Variants in PATL2 observed in about 807,000 individuals in gnomAD.
PATL2 encodes the protein PAT1 homolog 2.
PATL2 carries 73 observed loss-of-function variants against 77.0 expected under a neutral mutation model. That is an observed-to-expected ratio of 0.95 (90% CI 0.78 to 1.15). The LOEUF (loss-of-function observed/expected upper bound fraction) is 1.15, where lower values mean the gene tolerates loss of function less well. Ranked by LOEUF, PATL2 falls within the 50% of genes most tolerant of loss-of-function variation. The pLI is 0.00. For synonymous variants in PATL2, 265 were observed against 257.1 expected (o/e 1.03, Z -0.29); for missense variants, 618 against 655.4 (o/e 0.94, Z 0.62).
Position 44,668,283 on chromosome 15 carries a change from C to T in PATL2, c.1365+59G>A, listed in dbSNP as rs2085483308. 15 of 1,514,756 alleles carry T rather than the reference C, an allele frequency of 9.9e-6. No homozygotes were observed. The South Asian group carries it at 1.3e-4, about 13-fold the overall frequency. 93.8% of individuals were successfully genotyped at this position (1,514,756 alleles called of 1,614,324 possible). The stretch of plus-strand genomic sequence containing the variant: ...GATGAGACTGTCCCCCAACTTACCC[C>T]TTATCAGTGATACCAACCTGAAAGC... On this transcript the variant is annotated intron_variant, in intron 15 of 17. Coordinates refer to ENST00000682850, the MANE Select transcript of PATL2 (RefSeq NM_001387263.1).
In PATL2 at chr15:44,666,604, G is replaced by A; in HGVS notation, c.1464-63C>T. 9 of 1,426,086 alleles carry A rather than the reference G, an allele frequency of 6.3e-6. No homozygotes were observed. The South Asian group carries it at 8.9e-5, about 14-fold the overall frequency. 88.3% of individuals were successfully genotyped at this position (1,426,086 alleles called of 1,614,324 possible). A position where few individuals can be genotyped will look rare whatever the true frequency, so the allele number is the denominator to read the frequency against. On this transcript the variant is annotated intron_variant, in intron 16 of 17. Transcript: ENST00000682850. ...GCTTAAGAAACAGACTCAGGGCCAA[G>A]GTTTCTTATTATCTTTCCGTTACTA...
intron 3 of PATL2, among the ~76,000 whole-genome samples, chr15:44,677,498 G>C (rs2086011474): frequency 6.6e-6 from 1 of 152,068 alleles, no homozygotes; most frequent in African/African-American, 2.4e-5. Context: ...AGAAGCTCAG[G>C]AGTAAAAACA....
intron 3 of PATL2, chr15:44,676,988 T>C: frequency 1.2e-6 from 1 of 841,792 alleles, no homozygotes; most frequent in Non-Finnish European, 1.4e-6. Context: ...AGGGCTAGCA[T>C]CCTCCATCCA....
At chr15:44,680,605 C>T (rs1255867998) in intron 3 of PATL2, among the ~76,000 whole-genome samples, 1 of 152,156 alleles carries the variant, frequency 6.6e-6, no homozygotes, top group Non-Finnish European at 1.5e-5. Context: ...TTTCCCCTTT[C>T]TTTTTCTTAG....
At chr15:44,703,166 CTCAG>C (rs1225618874) in intron 3 of PATL2, among the ~76,000 whole-genome samples, 1 of 152,078 alleles carries the variant, frequency 6.6e-6, no homozygotes, top group Non-Finnish European at 1.5e-5. Flanking sequence ...GTCCCAGCTA[CTCAG>C]GAGGCTGAGG....
At chr15:44,695,630 CCTCT>C (rs1255718815) in intron 3 of PATL2, among the ~76,000 whole-genome samples, 1 of 152,120 alleles carries the variant, frequency 6.6e-6, no homozygotes, top group Non-Finnish European at 1.5e-5. Flanking sequence ...TCAGAAGTTC[CCTCT>C]CTGTCACTAC....
chr15:44,702,834 C>T (rs144633602), intron 3 of PATL2, among the ~76,000 whole-genome samples: 18 of 151,902 alleles, frequency 1.2e-4, no homozygotes, highest in African/African-American at 3.9e-4. Flanking sequence ...AGTTTTTTTC[C>T]ATTGTGGTCA....
chr15:44,666,366 T>G, intron 17 of PATL2, 26 bp downstream of exon 17: 9 of 1,551,302 alleles, frequency 5.8e-6, no homozygotes, highest in Non-Finnish European at 7.8e-6. Context: ...ACAAGGGGCT[T>G]TGACCTTGTT....
At chr15:44,707,944 G>A (rs1368139628) in intron 3 of PATL2, among the ~76,000 whole-genome samples, 1 of 152,234 alleles carries the variant, frequency 6.6e-6, no homozygotes, top group East Asian at 1.9e-4. Flanking sequence ...GCTAGGGCTG[G>A]TCTAAATGAT....
intron 4 of PATL2, chr15:44,676,205 C>A: frequency 2.1e-6 from 1 of 481,014 alleles, no homozygotes. Context: ...CAATTTAACC[C>A]TACTGTGTGC....
intron 3 of PATL2, among the ~76,000 whole-genome samples, chr15:44,681,523 T>G (rs2086134019): frequency 6.6e-6 from 1 of 152,206 alleles, no homozygotes; most frequent in Non-Finnish European, 1.5e-5. Context: ...CTTCCCATCC[T>G]TTGAATATCC....
intron 15 of PATL2, among the ~76,000 whole-genome samples, chr15:44,667,578 T>C (rs1214620497): frequency 6.6e-6 from 1 of 152,212 alleles, no homozygotes; most frequent in Non-Finnish European, 1.5e-5. Flanking sequence ...GATAACCCAC[T>C]GGGATATTAG....
At chr15:44,692,749 G>A (rs966099646) in intron 3 of PATL2, among the ~76,000 whole-genome samples, 8 of 152,278 alleles carry the variant, frequency 5.3e-5, no homozygotes, top group Admixed American at 3.9e-4. Flanking sequence ...GGGGGCTGGA[G>A]GCCCCTCCTC....
chr15:44,703,723 CT>C (rs933165876), intron 3 of PATL2, among the ~76,000 whole-genome samples: 5,976 of 32,800 alleles, frequency 0.18, 112 homozygotes, highest in Non-Finnish European at 0.26. Context: ...CCGGGTCTTG[CT>C]TTTTTTTTTT....
At chr15:44,696,931 C>T (rs1302278242) in intron 3 of PATL2, among the ~76,000 whole-genome samples, 3 of 152,140 alleles carry the variant, frequency 2.0e-5, no homozygotes, top group African/African-American at 7.2e-5. Flanking sequence ...GAAGTACTTA[C>T]ATTTGCCGCA....
At chr15:44,710,719 G>A (rs1479324359) in intron 2 of PATL2, among the ~76,000 whole-genome samples, 152 bp downstream of exon 2, 6 of 152,066 alleles carry the variant, frequency 3.9e-5, no homozygotes, top group Non-Finnish European at 8.8e-5. Context: ...CCTACTATGT[G>A]CCAGCCCCTG....
chr15:44,700,505 T>C (rs2086605502), intron 3 of PATL2, among the ~76,000 whole-genome samples: 1 of 152,140 alleles, frequency 6.6e-6, no homozygotes, highest in Non-Finnish European at 1.5e-5. Flanking sequence ...TTTCACCATA[T>C]TGGCCACACT....
chr15:44,669,555 T>G lies in PATL2; in HGVS notation c.885A>C (p.Glu295Asp). The G allele has an allele frequency of 6.4e-7, 1 of 1,551,222 alleles. No individual in the cohort carries two copies. The highest frequency in any genetic ancestry group is 8.7e-7 in the Non-Finnish European group (1 of 1,146,876). ...VPHGTQEQDI[E>D]AASSQRLRVL... ...CCCGAAGCCTCTGACTGCTTGCAGC[T>G]TCTATATCCTAGGAGAAGGGAGTCA... Residue 295 changes from glutamate to aspartate, a missense_variant, in exon 12 of 18, where the codon GAA becomes GAC. Physicochemically the swap from Glu to Asp is conservative, Grantham distance 45. Coordinates refer to ENST00000682850, the MANE Select transcript of PATL2 (RefSeq NM_001387263.1).
In PATL2 at chr15:44,668,425, CG is replaced by C; in HGVS notation, c.1281del (p.His427GlnfsTer10). The C allele has an allele frequency of 6.4e-7, 1 of 1,551,358 alleles. No homozygotes were observed. The highest frequency in any genetic ancestry group is 8.7e-7 in the Non-Finnish European group (1 of 1,146,960). On this transcript the variant is annotated frameshift_variant, in exon 15 of 18. Transcript: ENST00000682850. LOFTEE classifies it high-confidence loss of function. The stretch of plus-strand genomic sequence containing the variant: ...AATCCCTGAAGTCCTTGGAGGAGTT[CG>C]TGGAGGGTCAAGTGACTAATACATT... ...LGKCISHLTL[H>X]ELLQGLQGLT...
Sources: gnomAD v4.1 joint callset for allele counts (sites outside exome capture counted in the v4.1 genomes callset) on GRCh38, gnomAD v4.1.1 for gene constraint, MANE v1.5 for transcripts, NCBI Gene and HGNC (gene_info 2026-07-23, HGNC 2026-07-21) for gene names.